The following C19orf47 variants were observed in gnomAD, a reference collection of about 807,000 sequenced individuals.
The protein encoded by C19orf47 is chromosome 19 open reading frame 47, also known as uncharacterized protein C19orf47.
Under a neutral mutation model 32.3 loss-of-function variants are expected in C19orf47, and 18 were observed. The ratio of observed to expected loss-of-function variants is 0.56; its 90% CI spans 0.39 to 0.83. C19orf47 has a LOEUF of 0.83. Among genes scored for constraint, C19orf47 ranks in the 40% least tolerant of loss-of-function variants. The pLI is 0.00. For synonymous variants in C19orf47, 202 were observed against 211.1 expected (o/e 0.96, Z 0.37); for missense variants, 484 against 531.6 (o/e 0.91, Z 0.88).
intron 5 of C19orf47, among the ~76,000 whole-genome samples, chr19:40,328,938 T>C (rs2077892839): frequency 1.3e-5 from 2 of 152,132 alleles, no homozygotes; most frequent in African/African-American, 4.8e-5. Flanking sequence ...TGCTGTTCCT[T>C]CTGCCTGGCA....
At chr19:40,343,294 C>T (rs2078213033) in intron 1 of C19orf47, among the ~76,000 whole-genome samples, 1 of 152,190 alleles carries the variant, frequency 6.6e-6, no homozygotes, top group Non-Finnish European at 1.5e-5. Context: ...TACGACCTGT[C>T]CCATCCCCTA....
At chr19:40,301,170 GA>G in the C19orf47 span, among the ~76,000 whole-genome samples, 2 of 151,754 alleles carry the variant, frequency 1.3e-5, no homozygotes, top group South Asian at 4.2e-4. Flanking sequence ...AAAAGAAAAA[GA>G]AACCCTGCTA....
At chr19:40,335,350 T>A (rs1367533945) in intron 4 of C19orf47, among the ~76,000 whole-genome samples, 1 of 152,180 alleles carries the variant, frequency 6.6e-6, no homozygotes, top group Non-Finnish European at 1.5e-5. Context: ...GTCCTGGAGA[T>A]AATACTTATC....
In C19orf47 at chr19:40,336,379, C is replaced by T. The variant is rs2078066083; in HGVS notation, c.48G>A (p.Lys16=). 1.2e-6 allele frequency: 2 copies of T among 1,614,126 alleles called. No individual in the cohort carries two copies. The highest frequency in any genetic ancestry group is 2.2e-5 in the East Asian group (1 of 44,880). The change falls in exon 3 of 9, where the codon AAG becomes AAA. Residue 16 remains lysine (K), a synonymous_variant. Transcript: ENST00000683109. ...CAGGTCCTGGAGGAATGCCGGCTTCCTTAAAGAACTGGATCCACTCGGAAG... is the reference window on the plus strand; with the variant it reads ...CAGGTCCTGGAGGAATGCCGGCTTCTTTAAAGAACTGGATCCACTCGGAAG... The part of the protein sequence containing the change: ...MATSEWIQFF[K]EAGIPPGPAV...
the C19orf47 span, among the ~76,000 whole-genome samples, chr19:40,301,838 C>CT: frequency 6.7e-6 from 1 of 149,232 alleles, no homozygotes; most frequent in African/African-American, 2.5e-5. Flanking sequence ...GAGCAAGACT[C>CT]TGTCTAGGAA....
At chr19:40,348,513 A>G (rs758014713), upstream of C19orf47, 42 of 1,484,056 alleles carry the variant, frequency 2.8e-5, 1 homozygote, top group South Asian at 3.6e-4. Flanking sequence ...GGCCATAACC[A>G]TCACGTGACC....
rs549725842 is a variant in C19orf47, at chr19:40,336,001, T to G, written c.222+109A>C. 118 of 916,490 alleles carry G rather than the reference T, an allele frequency of 1.3e-4. No homozygotes were observed. In the African/African-American group the frequency reaches 1.7e-3, roughly 13 times the overall value. 56.8% of individuals were successfully genotyped at this position (916,490 alleles called of 1,614,324 possible). On this transcript the variant is annotated intron_variant, in intron 4 of 8. Coordinates refer to ENST00000683109, the MANE Select transcript of C19orf47 (RefSeq NM_001256441.2). ...ACACAGCAAATGGCTGAACCAGCCCTGGAACCTGGGTCGGCCTGCCTCTGC... is the reference window on the plus strand; with the variant it reads ...ACACAGCAAATGGCTGAACCAGCCCGGGAACCTGGGTCGGCCTGCCTCTGC...
the C19orf47 span, among the ~76,000 whole-genome samples, chr19:40,304,325 A>T: frequency 6.6e-6 from 1 of 152,142 alleles, no homozygotes; most frequent in Non-Finnish European, 1.5e-5. Context: ...AAGGGCAGGG[A>T]GGACTTTCTT....
the C19orf47 span, among the ~76,000 whole-genome samples, chr19:40,301,902 G>A: frequency 6.6e-6 from 1 of 151,464 alleles, no homozygotes. Flanking sequence ...GCTCATGCCT[G>A]TAATCCGAGC....
chr19:40,327,266 G>A (rs992529066), intron 6 of C19orf47, among the ~76,000 whole-genome samples: 1 of 150,988 alleles, frequency 6.6e-6, no homozygotes, highest in African/African-American at 2.4e-5. Context: ...CGCCCACCTC[G>A]GCCTCCCAAA....
At chr19:40,336,856 T>A (rs908085376) in intron 2 of C19orf47, among the ~76,000 whole-genome samples, 2 of 151,780 alleles carry the variant, frequency 1.3e-5, no homozygotes, top group African/African-American at 4.8e-5. Context: ...CTCAGGTGGC[T>A]GGAAAGAAGC....
chr19:40,338,674 C>T (rs963230520), intron 2 of C19orf47, among the ~76,000 whole-genome samples: 3 of 152,072 alleles, frequency 2.0e-5, no homozygotes, highest in African/African-American at 7.2e-5. Flanking sequence ...TGAGCCACCG[C>T]CCCCGGCATT....
chr19:40,336,550 G>A, intron 2 of C19orf47, 143 bp from the exon 3 acceptor site: 1 of 712,812 alleles, frequency 1.4e-6, no homozygotes, highest in Non-Finnish European at 2.4e-6. Flanking sequence ...ACACATGATG[G>A]AACTGAGCCT....
chr19:40,317,411 T>A (rs532727406), downstream of C19orf47, among the ~76,000 whole-genome samples: 21 of 151,762 alleles, frequency 1.4e-4, no homozygotes, highest in African/African-American at 3.9e-4. Flanking sequence ...CTGGGCAACA[T>A]AGAAAGACCC....
At chr19:40,303,440 G>A in the C19orf47 span, among the ~76,000 whole-genome samples, 4 of 144,434 alleles carry the variant, frequency 2.8e-5, no homozygotes, top group African/African-American at 7.7e-5. Flanking sequence ...GGAGAATGGC[G>A]TGAACCCAGG....
At chr19:40,296,938 C>T in the C19orf47 span, among the ~76,000 whole-genome samples, 1 of 151,740 alleles carries the variant, frequency 6.6e-6, no homozygotes, top group African/African-American at 2.4e-5. Flanking sequence ...AAAAGTGGTG[C>T]ACTTGTAGAG....
In C19orf47 at chr19:40,321,657, A is replaced by C; in HGVS notation, c.*225T>G. ...ACAGCCAGAGAAGAAAGCACAGAGG[A>C]CATGAGAGAAGGGGAGTCCTGGAGC... On this transcript the variant is annotated 3_prime_UTR_variant, in exon 9 of 9. Coordinates refer to ENST00000683109, the MANE Select transcript of C19orf47 (RefSeq NM_001256441.2). The C allele has an allele frequency of 7.2e-7, 1 of 1,383,090 alleles. No individual in the cohort carries two copies. Among genetic ancestry groups the C allele is most frequent in the Non-Finnish European group, 9.3e-7 (1 of 1,074,110 alleles). The allele number at this position is 1,383,090 out of a possible 1,614,324, so 85.7% of individuals were successfully genotyped here.
the C19orf47 span, among the ~76,000 whole-genome samples, chr19:40,312,212 T>C: frequency 6.6e-6 from 1 of 152,086 alleles, no homozygotes; most frequent in Non-Finnish European, 1.5e-5. Context: ...CCAGTGACTG[T>C]GGCAGAAGTG....
chr19:40,337,599 TC>T (rs1263202048), intron 2 of C19orf47, among the ~76,000 whole-genome samples: 2 of 152,176 alleles, frequency 1.3e-5, no homozygotes, highest in Middle Eastern at 3.2e-3. Flanking sequence ...CATCCAATAA[TC>T]CATGCTATTT....
Sources: gnomAD v4.1 joint callset for allele counts (sites outside exome capture counted in the v4.1 genomes callset) on GRCh38, gnomAD v4.1.1 for gene constraint, MANE v1.5 for transcripts, NCBI Gene and HGNC (gene_info 2026-07-23, HGNC 2026-07-21) for gene names.